The following SLC44A1 variants were observed in gnomAD, a reference collection of about 807,000 sequenced individuals.
SLC44A1 encodes choline transporter-like protein 1.
SLC44A1 carries 26 observed loss-of-function variants against 79.3 expected under a neutral mutation model. The observed-to-expected ratio is 0.33, with a 90% CI of 0.24 to 0.46. SLC44A1 has a LOEUF of 0.46. Among genes scored for constraint, SLC44A1 ranks in the 20% least tolerant of loss-of-function variants. The pLI, the probability that SLC44A1 is intolerant of heterozygous loss-of-function variation, is 1.00. For synonymous variants in SLC44A1, 263 were observed against 286.2 expected (o/e 0.92, Z 0.82); for missense variants, 688 against 798.1 (o/e 0.86, Z 1.66).
At chr9:105,360,050 A>G (rs1432879595) in intron 7 of SLC44A1, among the ~76,000 whole-genome samples, 1 of 152,200 alleles carries the variant, frequency 6.6e-6, no homozygotes, top group African/African-American at 2.4e-5. Context: ...AAGGCCTTAC[A>G]GTGTGGTCTG....
chr9:105,383,400 A>T (rs1394224615), intron 14 of SLC44A1, 41 bp downstream of exon 14: 3 of 1,077,032 alleles, frequency 2.8e-6, no homozygotes, highest in Non-Finnish European at 4.3e-6. Context: ...AGGGATAAAA[A>T]TACCAATAAA....
In SLC44A1 at chr9:105,392,331, C is replaced by T; in HGVS notation, c.*3275C>T. ...TTTTCTATAATGGTTAAGGAGGAGG[C>T]ACTTACTGAGTTTATTTTAAAGTTA... On this transcript the variant is annotated 3_prime_UTR_variant, in exon 16 of 16. Coordinates refer to ENST00000374720, the MANE Select transcript of SLC44A1 (RefSeq NM_080546.5). The T allele has an allele frequency of 1.0e-6, 1 of 983,286 alleles. No individual in the cohort carries two copies. Among genetic ancestry groups the T allele is most frequent in the Non-Finnish European group, 1.2e-6 (1 of 829,428 alleles). 60.9% of individuals were successfully genotyped at this position (983,286 alleles called of 1,614,324 possible).
At chr9:105,319,132 G>T (rs919280556) in intron 3 of SLC44A1, among the ~76,000 whole-genome samples, 2 of 152,016 alleles carry the variant, frequency 1.3e-5, no homozygotes, top group Non-Finnish European at 2.9e-5. Context: ...CAGAGTTGAG[G>T]GCATCTAAGA....
At chr9:105,351,578 AAGAGAGAAAGAGAGAAAG>A (rs1564452627) in intron 5 of SLC44A1, among the ~76,000 whole-genome samples, 17 of 120,006 alleles carry the variant, frequency 1.4e-4, no homozygotes, top group African/African-American at 6.9e-4. Context: ...GAAAGAGAGA[AAGAGAGAAAGAGAGAAAG>A]AGAAAGAAAG....
intron 1 of SLC44A1, among the ~76,000 whole-genome samples, chr9:105,293,168 A>G (rs1049917397): frequency 1.3e-5 from 2 of 152,152 alleles, no homozygotes; most frequent in Non-Finnish European, 2.9e-5. Context: ...AAAAAAAAGA[A>G]TATTTTCTGA....
intron 2 of SLC44A1, among the ~76,000 whole-genome samples, chr9:105,309,158 G>A (rs989765525): frequency 2.0e-5 from 3 of 151,920 alleles, no homozygotes; most frequent in South Asian, 2.1e-4. Flanking sequence ...GTGCACTGAA[G>A]TGATAATGAT....
chr9:105,367,223 C>T (rs1827969295), intron 12 of SLC44A1, among the ~76,000 whole-genome samples: 1 of 152,088 alleles, frequency 6.6e-6, no homozygotes, highest in Non-Finnish European at 1.5e-5. Context: ...ATAAAATTGA[C>T]TTTCTCACCA....
intron 13 of SLC44A1, among the ~76,000 whole-genome samples, chr9:105,379,577 CTG>C (rs1439274782): frequency 2.6e-5 from 4 of 152,142 alleles, no homozygotes; most frequent in South Asian, 2.1e-4. Context: ...AATTTTAAAA[CTG>C]TGAATTTAAA....
At chr9:105,350,935 A>G (rs1827385873) in intron 5 of SLC44A1, among the ~76,000 whole-genome samples, 1 of 152,210 alleles carries the variant, frequency 6.6e-6, no homozygotes, top group African/African-American at 2.4e-5. Flanking sequence ...AGCATTAGTG[A>G]CACATAATAA....
chr9:105,251,936 G>A (rs981860278), intron 1 of SLC44A1, among the ~76,000 whole-genome samples: 5 of 152,040 alleles, frequency 3.3e-5, no homozygotes, highest in African/African-American at 1.2e-4. Context: ...ACTAGGTGGC[G>A]GCAAACTACA....
Position 105,390,444 on chromosome 9 carries a change from A to AAG in SLC44A1, c.*1389_*1390insGA. 1 of 983,562 alleles carries AAG rather than the reference A, an allele frequency of 1.0e-6. No homozygotes were observed. The allele number at this position is 983,562 out of a possible 1,614,324, so 60.9% of individuals were successfully genotyped here. On this transcript the variant is annotated 3_prime_UTR_variant, in exon 16 of 16. Coordinates refer to ENST00000374720, the MANE Select transcript of SLC44A1 (RefSeq NM_080546.5). ...CAGGCTCTGTACAAAAAAAAAAAAA[A>AAG]AAAAAAAGCCTCAGCATTTTATCAT...
intron 1 of SLC44A1, among the ~76,000 whole-genome samples, chr9:105,294,276 ATCT>A (rs903486969): frequency 3.1e-4 from 47 of 152,164 alleles, no homozygotes; most frequent in African/African-American, 1.1e-3. Flanking sequence ...AATCTTTTAA[ATCT>A]TCTTTTGTAC....
At chr9:105,256,817 T>G (rs1208090908) in intron 1 of SLC44A1, among the ~76,000 whole-genome samples, 1 of 150,992 alleles carries the variant, frequency 6.6e-6, no homozygotes, top group African/African-American at 2.4e-5. Context: ...AGATGGACTC[T>G]TGCTGTGTCA....
intron 4 of SLC44A1, among the ~76,000 whole-genome samples, chr9:105,339,811 A>AC (rs1361052683): frequency 6.6e-6 from 1 of 152,194 alleles, no homozygotes; most frequent in Non-Finnish European, 1.5e-5. Context: ...ACAGAGTGAG[A>AC]CCCTGTCTCA....
intron 3 of SLC44A1, among the ~76,000 whole-genome samples, chr9:105,330,635 G>C (rs1229058724): frequency 6.6e-6 from 1 of 152,140 alleles, no homozygotes; most frequent in Non-Finnish European, 1.5e-5. Context: ...TCGTTTCCCT[G>C]TTTTCATCTT....
chr9:105,381,426 G>A (rs899373457), intron 13 of SLC44A1, among the ~76,000 whole-genome samples: 1 of 151,806 alleles, frequency 6.6e-6, no homozygotes, highest in South Asian at 2.1e-4. Context: ...ACGAGCACCT[G>A]TAGTCCCAGC....
chr9:105,426,814 A>G (rs1829327677), intron 15 of SLC44A1, among the ~76,000 whole-genome samples: 1 of 152,248 alleles, frequency 6.6e-6, no homozygotes, highest in Admixed American at 6.5e-5. Context: ...ATAAAATATT[A>G]GTTACAACCA....
intron 7 of SLC44A1, among the ~76,000 whole-genome samples, chr9:105,359,625 A>C (rs550358961): frequency 1.3e-5 from 2 of 152,240 alleles, no homozygotes; most frequent in South Asian, 4.1e-4. Flanking sequence ...TTCCTCCTTG[A>C]CATCATTATT....
intron 12 of SLC44A1, among the ~76,000 whole-genome samples, chr9:105,367,202 A>G (rs990765756): frequency 6.6e-5 from 10 of 152,090 alleles, no homozygotes; most frequent in African/African-American, 1.9e-4. Context: ...CCCTCATCTA[A>G]TAGGCCAGAG....
Sources: allele counts gnomAD v4.1 joint callset (sites outside exome capture counted in the v4.1 genomes callset), GRCh38; gene constraint gnomAD v4.1.1; transcripts MANE v1.5; gene names NCBI Gene and HGNC (gene_info 2026-07-23, HGNC 2026-07-21).